The following NAALAD2 variants were observed in gnomAD, a reference collection of about 807,000 sequenced individuals.
NAALAD2 encodes N-acetylated alpha-linked acidic dipeptidase 2.
Under a neutral mutation model 95.6 loss-of-function variants are expected in NAALAD2, and 89 were observed. That is an observed-to-expected ratio of 0.93 (90% CI 0.78 to 1.11). NAALAD2 has a LOEUF of 1.11. Among genes scored for constraint, NAALAD2 ranks in the 50% least tolerant of loss-of-function variants. The pLI is 0.00. For synonymous variants in NAALAD2, 264 were observed against 294.4 expected (o/e 0.90, Z 1.06); for missense variants, 894 against 872.4 (o/e 1.02, Z -0.31).
intron 11 of NAALAD2, among the ~76,000 whole-genome samples, chr11:90,167,846 C>T (rs1368382194): frequency 6.6e-6 from 1 of 151,910 alleles, no homozygotes; most frequent in African/African-American, 2.4e-5. Flanking sequence ...CCTGTCAAAA[C>T]GGAGCAATCG....
chr11:90,182,022 AAGGTAC>A (rs1341574597), intron 17 of NAALAD2, among the ~76,000 whole-genome samples: 1 of 152,042 alleles, frequency 6.6e-6, no homozygotes, highest in Non-Finnish European at 1.5e-5. Flanking sequence ...ACAAGGGCCA[AAGGTAC>A]CTGTCATTAG....
intron 18 of NAALAD2, among the ~76,000 whole-genome samples, 177 bp from the exon 19 acceptor site, chr11:90,191,381 T>C (rs1044509906): frequency 1.3e-5 from 2 of 152,028 alleles, no homozygotes; most frequent in African/African-American, 4.8e-5. Flanking sequence ...CGAATGCATA[T>C]TGTTAGCTTC....
At chr11:90,186,186 C>T (rs1482585326) in intron 18 of NAALAD2, among the ~76,000 whole-genome samples, 16 of 150,814 alleles carry the variant, frequency 1.1e-4, no homozygotes, top group African/African-American at 3.7e-4. Context: ...CCTCCCCCCA[C>T]CCCACCACAG....
intron 18 of NAALAD2, among the ~76,000 whole-genome samples, chr11:90,183,471 A>G (rs1857028639): frequency 6.6e-6 from 1 of 152,092 alleles, no homozygotes; most frequent in Non-Finnish European, 1.5e-5. Flanking sequence ...TTCCTGTAAT[A>G]TTTTTCTCTT....
rs1857342644 is a variant in NAALAD2 at position 90,192,010 on chromosome 11, A to AGATGAATT, written c.*263_*264insGATGAATT. 1 of 228,880 alleles carries AGATGAATT rather than the reference A, an allele frequency of 4.4e-6. No individual in the cohort carries two copies. Among genetic ancestry groups the AGATGAATT allele is most frequent in the Non-Finnish European group, 8.4e-6 (1 of 119,110 alleles). The allele number at this position is 228,880 out of a possible 1,614,324, so 14.2% of individuals were successfully genotyped here. On this transcript the variant is annotated 3_prime_UTR_variant, in exon 19 of 19. Transcript: ENST00000534061. ...AAAATTCCCTAAATTATAGCAAGGA[A>AGATGAATT]CATGAATTCTCAGACATTGTGAGTG... is the stretch of plus-strand genomic sequence containing the variant.
chr11:90,169,835 A>G, intron 12 of NAALAD2: 1 of 478,266 alleles, frequency 2.1e-6, no homozygotes, highest in Non-Finnish European at 3.7e-6. Context: ...TCACTGTGAC[A>G]GCTGCTGCCT....
intron 11 of NAALAD2, 66 bp downstream of exon 11, chr11:90,163,683 C>T: frequency 1.5e-6 from 2 of 1,378,860 alleles, no homozygotes; most frequent in Middle Eastern, 3.5e-4. Context: ...GTATGTGTCT[C>T]AGGATGATCA....
chr11:90,147,217 T>G, intron 2 of NAALAD2, 113 bp from the exon 3 acceptor site: 1 of 824,618 alleles, frequency 1.2e-6, no homozygotes, highest in Non-Finnish European at 1.9e-6. Flanking sequence ...TTATCTGTCA[T>G]ATAGGAATGA....
chr11:90,164,344 G>T (rs1952377846), intron 11 of NAALAD2: 1 of 152,038 alleles, frequency 6.6e-6, no homozygotes. Flanking sequence ...GTTCTTAAAT[G>T]TAGAAGGTAA....
upstream of NAALAD2, chr11:90,134,420 G>A (rs142087086): frequency 4.0e-6 from 1 of 250,662 alleles, no homozygotes; most frequent in Non-Finnish European, 7.7e-6. Context: ...GCATTTTGGG[G>A]GATGGGCATG....
intron 16 of NAALAD2, among the ~76,000 whole-genome samples, chr11:90,179,635 A>G (rs1042813678): frequency 6.6e-6 from 1 of 152,140 alleles, no homozygotes; most frequent in Admixed American, 6.5e-5. Context: ...CAGAGAAATA[A>G]GCAGAGCCTA....
intron 16 of NAALAD2, among the ~76,000 whole-genome samples, chr11:90,179,361 G>A (rs1039098297): frequency 6.6e-6 from 1 of 152,030 alleles, no homozygotes; most frequent in African/African-American, 2.4e-5. Context: ...GTCTCATGTG[G>A]GGAATAAAGC....
intron 6 of NAALAD2, 110 bp downstream of exon 6, chr11:90,152,594 CTT>C: frequency 1.4e-6 from 1 of 713,258 alleles, no homozygotes; most frequent in Non-Finnish European, 2.1e-6. Context: ...ATTGAGTACA[CTT>C]ATATCATTTT....
chr11:90,185,811 A>G (rs1439885607), intron 18 of NAALAD2, among the ~76,000 whole-genome samples: 1 of 151,054 alleles, frequency 6.6e-6, no homozygotes, highest in African/African-American at 2.4e-5. Flanking sequence ...ACATTTGTTA[A>G]TATCTCTATA....
chr11:90,177,862 A>G lies in NAALAD2; in HGVS notation c.1603A>G (p.Lys535Glu), dbSNP rs755582976. The part of the protein sequence containing the change: ...ARYTKNKKTD[K>E]YSSYPVYHTI... ...TCCATTTTTTTTTCAGAAAACAGAT[A>G]AGTACAGCAGCTACCCAGTGTACCA... Residue 535 changes from lysine (K) to glutamate (E), a missense_variant, in exon 16 of 19, where the codon AAG becomes GAG. Coordinates refer to ENST00000534061, the MANE Select transcript of NAALAD2 (RefSeq NM_005467.4). 1.1e-5 allele frequency: 18 copies of G among 1,607,714 alleles called. No individual in the cohort carries two copies. Among genetic ancestry groups the G allele is most frequent in the South Asian group, 1.1e-5 (1 of 89,064 alleles).
At chr11:90,187,711 C>T (rs541857210) in intron 18 of NAALAD2, among the ~76,000 whole-genome samples, 12 of 152,152 alleles carry the variant, frequency 7.9e-5, no homozygotes, top group South Asian at 4.1e-4. Flanking sequence ...ACTTTCAGTA[C>T]GTATAATGGA....
chr11:90,140,117 T>C (rs1343811112), intron 2 of NAALAD2, among the ~76,000 whole-genome samples: 1 of 152,122 alleles, frequency 6.6e-6, no homozygotes, highest in African/African-American at 2.4e-5. Context: ...AACAAACTGT[T>C]CAGGTAGTGA....
intron 18 of NAALAD2, among the ~76,000 whole-genome samples, chr11:90,190,153 A>G (rs977457947): frequency 2.0e-5 from 3 of 152,160 alleles, no homozygotes; most frequent in Non-Finnish European, 4.4e-5. Flanking sequence ...TATTTACTGA[A>G]CACCTATTAA....
chr11:90,174,667 A>G (rs1247107679), intron 14 of NAALAD2, among the ~76,000 whole-genome samples: 2 of 151,858 alleles, frequency 1.3e-5, no homozygotes, highest in African/African-American at 4.8e-5. Context: ...ATATTATTTT[A>G]TTTTTTATGT....
Sources: gnomAD v4.1 joint callset for allele counts (sites outside exome capture counted in the v4.1 genomes callset) on GRCh38, gnomAD v4.1.1 for gene constraint, MANE v1.5 for transcripts, NCBI Gene and HGNC (gene_info 2026-07-23, HGNC 2026-07-21) for gene names.